Variants in RAVER2 observed in about 807,000 individuals in gnomAD.
RAVER2 encodes the protein ribonucleoprotein PTB-binding 2.
RAVER2 carries 46 observed loss-of-function variants against 78.1 expected under a neutral mutation model. The observed-to-expected ratio is 0.59, with a 90% CI of 0.46 to 0.75. The LOEUF (loss-of-function observed/expected upper bound fraction) is 0.75. Ranked by LOEUF, RAVER2 falls within the 30% of genes least tolerant of loss-of-function variation. The pLI, the probability that RAVER2 is intolerant of heterozygous loss-of-function variation, is 0.00. For missense variants in RAVER2, 793 were observed against 837.5 expected (o/e 0.95, Z 0.66); for synonymous variants, 311 against 313.3 (o/e 0.99, Z 0.08).
At chr1:64,822,715 C>T (rs1462345970) in intron 11 of RAVER2, among the ~76,000 whole-genome samples, 1 of 152,178 alleles carries the variant, frequency 6.6e-6, no homozygotes, top group South Asian at 2.1e-4. Context: ...AAACTTGTGT[C>T]TGTACACAAA....
intron 1 of RAVER2, among the ~76,000 whole-genome samples, chr1:64,754,784 T>C (rs1168046817): frequency 1.3e-5 from 2 of 152,244 alleles, no homozygotes; most frequent in South Asian, 2.1e-4. Flanking sequence ...GTCATGTCTT[T>C]GGGACTTTAC....
intron 6 of RAVER2, 102 bp from the exon 7 acceptor site, chr1:64,804,632 C>T: frequency 1.7e-6 from 1 of 605,358 alleles, no homozygotes; most frequent in Non-Finnish European, 3.0e-6. Flanking sequence ...GAAGCAGTTA[C>T]TTTTACTCAG....
chr1:64,788,891 T>A (rs930229096), intron 4 of RAVER2, among the ~76,000 whole-genome samples: 1 of 152,172 alleles, frequency 6.6e-6, no homozygotes, highest in African/African-American at 2.4e-5. Context: ...TGTAAAAATA[T>A]AGAAACAGGG....
chr1:64,827,420 A>G (rs746116796), intron 11 of RAVER2, among the ~76,000 whole-genome samples: 5 of 152,136 alleles, frequency 3.3e-5, no homozygotes, highest in Admixed American at 6.5e-5. Context: ...TCTGATAAGG[A>G]AGTATTAGAC....
intron 11 of RAVER2, among the ~76,000 whole-genome samples, chr1:64,827,092 G>A (rs764796202): frequency 3.9e-5 from 6 of 152,090 alleles, no homozygotes; most frequent in Non-Finnish European, 7.4e-5. Flanking sequence ...GAGAACCATC[G>A]CATTCCTGTA....
At chr1:64,773,787 A>T (rs971796801) in intron 2 of RAVER2, among the ~76,000 whole-genome samples, 1 of 152,082 alleles carries the variant, frequency 6.6e-6, no homozygotes, top group African/African-American at 2.4e-5. Context: ...ACTAATTTAC[A>T]CTCCCACCAA....
intron 8 of RAVER2, 21 bp from the exon 9 acceptor site, chr1:64,807,185 T>C: frequency 6.3e-7 from 1 of 1,591,868 alleles, no homozygotes; most frequent in South Asian, 1.1e-5. Context: ...AAAAGCTTTT[T>C]GCATTTATGG....
intron 8 of RAVER2, 92 bp downstream of exon 8, chr1:64,805,197 G>A (rs1405357466): frequency 6.8e-6 from 8 of 1,176,966 alleles, no homozygotes; most frequent in African/African-American, 3.1e-5. Flanking sequence ...TTTACAGGGA[G>A]GTCAAATTTG....
intron 1 of RAVER2, among the ~76,000 whole-genome samples, chr1:64,750,289 C>T (rs1214447803): frequency 6.6e-6 from 1 of 150,990 alleles, no homozygotes; most frequent in Non-Finnish European, 1.5e-5. Flanking sequence ...TCTGCTCTTT[C>T]TCTTTTCTTT....
exon 11 of RAVER2, chr1:64,814,820 C>T (rs1220914136): frequency 6.3e-7 from 1 of 1,578,446 alleles, no homozygotes; most frequent in African/African-American, 1.4e-5. Flanking sequence ...TTATTCTCCA[C>T]CTTTTGGTGA....
At position 64,753,889 on chromosome 1, in the gene RAVER2, CT is replaced by C. The variant is rs546181970; in HGVS notation, c.249+8469del. 3.8e-3 allele frequency among the ~76,000 whole-genome samples: 580 copies of C among 152,132 alleles called. 8 individuals are homozygous for C. Among genetic ancestry groups the C allele is most frequent in the African/African-American group, 0.013 (540 of 41,504 alleles). ...TTTTTAGGACATGATTCCAAGTTTC[CT>C]CGCCATCTCATTTATTTTTCTCTGA... On this transcript the variant is annotated intron_variant, in intron 1 of 11. Transcript: ENST00000294428.
At chr1:64,799,197 T>G (rs371388933) in intron 5 of RAVER2, among the ~76,000 whole-genome samples, 1 of 152,240 alleles carries the variant, frequency 6.6e-6, no homozygotes, top group African/African-American at 2.4e-5. Context: ...TTTATCTTTA[T>G]GTGCCTGACT....
At chr1:64,758,076 T>C (rs1365081701) in intron 1 of RAVER2, among the ~76,000 whole-genome samples, 1 of 152,156 alleles carries the variant, frequency 6.6e-6, no homozygotes, top group African/African-American at 2.4e-5. Context: ...ACCATCACCT[T>C]GCCTGGGTTC....
chr1:64,807,288 A>G (rs773823480), exon 9 of RAVER2: 1 of 1,614,188 alleles, frequency 6.2e-7, no homozygotes, highest in Non-Finnish European at 8.5e-7. Flanking sequence ...ACATTGCTGG[A>G]CAGGCTGGGC....
intron 5 of RAVER2, among the ~76,000 whole-genome samples, chr1:64,799,093 C>G (rs1653184480): frequency 6.6e-6 from 1 of 152,228 alleles, no homozygotes; most frequent in South Asian, 2.1e-4. Context: ...CCCCTTCTCC[C>G]TTCTCTTCCC....
rs111715618 is a variant in RAVER2, at chr1:64,785,332, A to G, written c.978+3761A>G. 4.4e-3 allele frequency among the ~76,000 whole-genome samples: 651 copies of G among 146,306 alleles called. 7 individuals carry two copies. Among genetic ancestry groups the G allele is most frequent in the African/African-American group, 0.016 (621 of 39,678 alleles). On this transcript the variant is annotated intron_variant, in intron 4 of 11. Coordinates refer to ENST00000294428, the Ensembl canonical transcript of RAVER2. ...GCGTCGTTTGAGAGTTACACATTCTATCTCTATCCTGCTGGTGATTGTGCC... is the reference window on the plus strand; with the variant it reads ...GCGTCGTTTGAGAGTTACACATTCTGTCTCTATCCTGCTGGTGATTGTGCC...
At chr1:64,768,504 T>A (rs1652231432) in intron 1 of RAVER2, 152 bp from the exon 2 acceptor site, 1 of 603,260 alleles carries the variant, frequency 1.7e-6, no homozygotes, top group Admixed American at 3.4e-5. Flanking sequence ...GACCTTTAAT[T>A]TAAGTAAGTA....
chr1:64,824,810 A>G (rs780314436), intron 11 of RAVER2, among the ~76,000 whole-genome samples: 1 of 151,870 alleles, frequency 6.6e-6, no homozygotes, highest in Non-Finnish European at 1.5e-5. Context: ...GCACGCTTGT[A>G]ATCCCAAATA....
At chr1:64,802,417 G>A (rs1008483409) in intron 5 of RAVER2, among the ~76,000 whole-genome samples, 1 of 152,058 alleles carries the variant, frequency 6.6e-6, no homozygotes, top group Non-Finnish European at 1.5e-5. Flanking sequence ...CATCCCTTTT[G>A]AAATGTACTC....
Sources: gnomAD v4.1 joint callset for allele counts (sites outside exome capture counted in the v4.1 genomes callset) on GRCh38, gnomAD v4.1.1 for gene constraint, MANE v1.5 for transcripts, NCBI Gene and HGNC (gene_info 2026-07-23, HGNC 2026-07-21) for gene names.